Variants in NALF1 observed in about 807,000 individuals in gnomAD.
NALF1 encodes NALCN channel auxiliary factor 1.
In NALF1, 3 loss-of-function variants were observed where a neutral mutation model predicts 48.4. That is an observed-to-expected ratio of 0.06 (90% CI 0.03 to 0.16). The LOEUF (loss-of-function observed/expected upper bound fraction) is 0.16, where lower values mean the gene tolerates loss of function less well. NALF1 is among the 10% of genes least tolerant of loss of function. NALF1 has a pLI of 1.00. For missense variants in NALF1, 526 were observed against 571.5 expected (o/e 0.92, Z 0.81); for synonymous variants, 262 against 245.7 (o/e 1.07, Z -0.62).
intron 1 of NALF1, among the ~76,000 whole-genome samples, chr13:107,240,912 T>C (rs1192135092): frequency 6.6e-6 from 1 of 151,952 alleles, no homozygotes; most frequent in Non-Finnish European, 1.5e-5. Context: ...AGTTCTTTTT[T>C]TGCTGCTAAA....
intron 1 of NALF1, among the ~76,000 whole-genome samples, chr13:107,248,552 T>C (rs1880631745): frequency 6.7e-6 from 1 of 149,262 alleles, no homozygotes. Context: ...AATTTTTTTC[T>C]TGGAACTGTA....
intron 1 of NALF1, among the ~76,000 whole-genome samples, chr13:107,675,669 G>A (rs1881100133): frequency 6.6e-6 from 1 of 152,032 alleles, no homozygotes. Context: ...TCTTTGCCTG[G>A]GGTTTCTATC....
intron 1 of NALF1, among the ~76,000 whole-genome samples, chr13:107,417,160 A>G (rs1177083523): frequency 2.0e-5 from 3 of 152,196 alleles, no homozygotes; most frequent in African/African-American, 7.2e-5. Context: ...CTTTCTTCCT[A>G]ACATCATTTC....
intron 2 of NALF1, among the ~76,000 whole-genome samples, chr13:107,193,014 AT>A (rs1384660872): frequency 3.6e-4 from 55 of 150,852 alleles, no homozygotes; most frequent in African/African-American, 1.3e-3. Context: ...TTAGTAAAAC[AT>A]TTGTGCAATT....
At chr13:107,829,862 A>T (rs774922257) in intron 1 of NALF1, among the ~76,000 whole-genome samples, 24 of 152,090 alleles carry the variant, frequency 1.6e-4, no homozygotes, top group Non-Finnish European at 2.9e-4. Context: ...ATTTCTCTTT[A>T]TGCACTATCA....
At chr13:107,335,932 T>G (rs550610352) in intron 1 of NALF1, among the ~76,000 whole-genome samples, 16 of 152,254 alleles carry the variant, frequency 1.1e-4, no homozygotes, top group Admixed American at 1.0e-3. Context: ...TATTAATTTT[T>G]TTTTTCAGTT....
chr13:107,540,585 G>A (rs374749585), intron 1 of NALF1, among the ~76,000 whole-genome samples: 24 of 152,178 alleles, frequency 1.6e-4, no homozygotes, highest in African/African-American at 4.3e-4. Context: ...TGGATCAATC[G>A]AAAGCTCTGG....
chr13:107,247,563 G>C (rs1052655662), intron 1 of NALF1, among the ~76,000 whole-genome samples: 1 of 152,168 alleles, frequency 6.6e-6, no homozygotes, highest in Non-Finnish European at 1.5e-5. Context: ...TCTCAAATAG[G>C]AGGGAAAAAT....
At chr13:107,704,176 T>C (rs1467652867) in intron 1 of NALF1, among the ~76,000 whole-genome samples, 4 of 152,234 alleles carry the variant, frequency 2.6e-5, no homozygotes, top group Non-Finnish European at 5.9e-5. Flanking sequence ...AATTTTATTT[T>C]AGTGTACATT....
chr13:107,786,277 G>A (rs1034511129), intron 1 of NALF1, among the ~76,000 whole-genome samples: 1 of 151,718 alleles, frequency 6.6e-6, no homozygotes, highest in Admixed American at 6.6e-5. Context: ...TTAGCTGAGC[G>A]TGGTGGTGCA....
intron 1 of NALF1, among the ~76,000 whole-genome samples, chr13:107,319,485 A>G (rs1488132484): frequency 6.6e-6 from 1 of 152,108 alleles, no homozygotes; most frequent in African/African-American, 2.4e-5. Flanking sequence ...AAGGCGCAAT[A>G]TAAGGAGTAT....
In NALF1 at chr13:107,286,356, T is replaced by G. The variant is rs995517709; in HGVS notation, c.916-75601A>C. Among the ~76,000 whole-genome samples, 3 of 151,906 alleles carry G rather than the reference T, an allele frequency of 2.0e-5. No homozygotes were observed. The East Asian group carries it at 5.8e-4, about 29-fold the overall frequency. ...CAATAGAAAAAGATGGACATAGACC[T>G]GGTACAGTGACTCGTGCCCGTAGCT... On this transcript the variant is annotated intron_variant, in intron 1 of 2. Coordinates refer to ENST00000375915, the MANE Select transcript of NALF1 (RefSeq NM_001080396.3).
chr13:107,376,650 A>G (rs936558603), intron 1 of NALF1, among the ~76,000 whole-genome samples: 1 of 152,224 alleles, frequency 6.6e-6, no homozygotes, highest in Non-Finnish European at 1.5e-5. Flanking sequence ...TATGTCCAGT[A>G]TTTCCAAAGT....
chr13:107,167,574 GA>G lies in NALF1; in HGVS notation c.*2922del, dbSNP rs1229331639. The G allele has an allele frequency of 6.6e-6, 1 of 152,158 alleles. No homozygotes were observed. The highest frequency in any genetic ancestry group is 1.5e-5 in the Non-Finnish European group (1 of 68,022). The allele number at this position is 152,158 out of a possible 1,614,324, so 9.4% of individuals were successfully genotyped here. On this transcript the variant is annotated 3_prime_UTR_variant, in exon 3 of 3. Transcript: ENST00000375915. ...CACTGAAATCATTCTCCTGTAATAA[GA>G]ATAGATGAACATGACAAAGAAAATA...
intron 1 of NALF1, among the ~76,000 whole-genome samples, chr13:107,380,750 G>A (rs933615550): frequency 2.0e-5 from 3 of 151,936 alleles, no homozygotes; most frequent in Non-Finnish European, 4.4e-5. Flanking sequence ...AGGCTGAGGC[G>A]GGCGGATCAC....
At chr13:107,180,666 T>A (rs1355871985) in intron 2 of NALF1, among the ~76,000 whole-genome samples, 1 of 151,848 alleles carries the variant, frequency 6.6e-6, no homozygotes, top group African/African-American at 2.4e-5. Flanking sequence ...AATTTGTGAA[T>A]CTCATATATA....
chr13:107,252,870 A>G (rs1300939929), intron 1 of NALF1, among the ~76,000 whole-genome samples: 2 of 152,222 alleles, frequency 1.3e-5, no homozygotes, highest in African/African-American at 4.8e-5. Flanking sequence ...AGTGAACATC[A>G]GGGAAGGTAT....
chr13:107,613,897 G>A (rs1049203077), intron 1 of NALF1, among the ~76,000 whole-genome samples: 6 of 152,148 alleles, frequency 3.9e-5, no homozygotes, highest in East Asian at 1.9e-4. Flanking sequence ...CAGGTGCTAC[G>A]TTCATTCCTT....
chr13:107,512,444 T>C (rs933171759), intron 1 of NALF1, among the ~76,000 whole-genome samples: 1 of 152,042 alleles, frequency 6.6e-6, no homozygotes, highest in Admixed American at 6.6e-5. Context: ...ACCTTGACGT[T>C]GTAAAGTCAC....
Sources: gnomAD v4.1 joint callset for allele counts (sites outside exome capture counted in the v4.1 genomes callset) on GRCh38, gnomAD v4.1.1 for gene constraint, MANE v1.5 for transcripts, NCBI Gene and HGNC (gene_info 2026-07-23, HGNC 2026-07-21) for gene names.